The following SYNPR variants were observed in gnomAD, a reference collection of about 807,000 sequenced individuals.
SYNPR encodes synaptoporin.
Under a neutral mutation model 32.9 loss-of-function variants are expected in SYNPR, and 23 were observed. That is an observed-to-expected ratio of 0.70 (90% CI 0.50 to 0.99). The LOEUF (loss-of-function observed/expected upper bound fraction) is 0.99. SYNPR is among the 50% of genes least tolerant of loss of function. The probability of loss-of-function intolerance (pLI) is 0.00; values close to 1 mark genes in which losing one functional copy is unlikely to be tolerated. For missense variants in SYNPR, 318 were observed against 349.3 expected (o/e 0.91, Z 0.71); for synonymous variants, 146 against 135.9 (o/e 1.07, Z -0.52).
chr3:63,208,958 T>C, the SYNPR span, among the ~76,000 whole-genome samples: 159 of 152,308 alleles, frequency 1.0e-3, 1 homozygote, highest in African/African-American at 3.8e-3. Context: ...GTGACACTTT[T>C]ATAGTATCCA....
chr3:63,505,076 A>ATACAT (rs1701562074), intron 3 of SYNPR, among the ~76,000 whole-genome samples: 1 of 152,200 alleles, frequency 6.6e-6, no homozygotes, highest in Admixed American at 6.6e-5. Flanking sequence ...GCATACTGTC[A>ATACAT]GTGATCAGTG....
rs776209541 is a variant in SYNPR at position 63,609,132 on chromosome 3, TTG to T, written c.418_419del (p.Val140HisfsTer21). The T allele has an allele frequency of 6.2e-7, 1 of 1,605,208 alleles. No individual in the cohort carries two copies. The highest frequency in any genetic ancestry group is 1.7e-5 in the Admixed American group (1 of 58,504). ...TCTGATTTGTTTCTGTAGGACTTCA[TTG>T]TCACTGTAGTCTTTTCGTTCTTGTG... On this transcript the variant is annotated frameshift_variant, in exon 5 of 6. Coordinates refer to ENST00000478300, the MANE Select transcript of SYNPR (RefSeq NM_001130003.2). LOFTEE classifies it high-confidence loss of function.
chr3:63,589,754 A>G (rs1387252654), intron 4 of SYNPR, among the ~76,000 whole-genome samples: 3 of 128,822 alleles, frequency 2.3e-5, no homozygotes, highest in African/African-American at 6.0e-5. Flanking sequence ...AAATTCAACA[A>G]CCCTTCATGC....
intron 3 of SYNPR, among the ~76,000 whole-genome samples, chr3:63,510,915 CTG>C (rs755622968): frequency 1.4e-4 from 21 of 148,958 alleles, no homozygotes; most frequent in Non-Finnish European, 1.3e-4. Context: ...AAAGGTACAA[CTG>C]TGTGTGTGTG....
At chr3:63,235,869 T>A (rs2106876496) in intron 1 of SYNPR, among the ~76,000 whole-genome samples, 1 of 152,262 alleles carries the variant, frequency 6.6e-6, no homozygotes, top group Non-Finnish European at 1.5e-5. Context: ...GTTTTTCATT[T>A]TGATGAAGTC....
intron 2 of SYNPR, among the ~76,000 whole-genome samples, chr3:63,450,251 G>A (rs1210226341): frequency 6.6e-6 from 1 of 152,202 alleles, no homozygotes; most frequent in Non-Finnish European, 1.5e-5. Flanking sequence ...CCACAGTAGA[G>A]AGAGTGCGGG....
chr3:63,558,440 C>T (rs1458732009), intron 4 of SYNPR, among the ~76,000 whole-genome samples: 2 of 152,112 alleles, frequency 1.3e-5, no homozygotes, highest in Admixed American at 6.6e-5. Flanking sequence ...TCAGATGATC[C>T]TCCCACCTCA....
chr3:63,320,415 T>C (rs2106967022), intron 2 of SYNPR, among the ~76,000 whole-genome samples: 1 of 152,162 alleles, frequency 6.6e-6, no homozygotes, highest in South Asian at 2.1e-4. Flanking sequence ...TTCCTTCTGG[T>C]AGATACTTGC....
chr3:63,480,820 T>C lies in SYNPR; in HGVS notation c.85-12T>C, dbSNP rs1249626036. On this transcript the variant is annotated splice_polypyrimidine_tract_variant and intron_variant, in intron 2 of 5. Transcript: ENST00000478300. Reference sequence around the variant, plus strand: ...AATAACTGCCTTCTATTTGTTTAATTGTTCTCCACAGCTTTTTGCAATCTT... The same window carrying C: ...AATAACTGCCTTCTATTTGTTTAATCGTTCTCCACAGCTTTTTGCAATCTT... The C allele has an allele frequency of 1.2e-6, 2 of 1,612,216 alleles. No homozygotes were observed. Among genetic ancestry groups the C allele is most frequent in the South Asian group, 2.2e-5 (2 of 90,816 alleles).
chr3:63,272,105 C>T (rs1315017651), intron 3 of SYNPR, among the ~76,000 whole-genome samples: 2 of 152,114 alleles, frequency 1.3e-5, no homozygotes, highest in Non-Finnish European at 2.9e-5. Context: ...TATCATAGAC[C>T]ATCTCCTTTC....
At chr3:63,314,636 A>G (rs1404490893) in intron 2 of SYNPR, among the ~76,000 whole-genome samples, 1 of 152,058 alleles carries the variant, frequency 6.6e-6, no homozygotes, top group African/African-American at 2.4e-5. Flanking sequence ...CTTTTGTCAG[A>G]TGAATAGATT....
intron 3 of SYNPR, among the ~76,000 whole-genome samples, chr3:63,513,028 A>G (rs1701727945): frequency 6.6e-6 from 1 of 152,172 alleles, no homozygotes; most frequent in Admixed American, 6.6e-5. Flanking sequence ...TACTGCAGGC[A>G]AGGGGGATTA....
intron 2 of SYNPR, among the ~76,000 whole-genome samples, chr3:63,457,354 TTTTTTTA>T (rs1013470442): frequency 2.0e-5 from 3 of 152,090 alleles, no homozygotes; most frequent in African/African-American, 4.8e-5. Flanking sequence ...ATAATGATCC[TTTTTTTA>T]TTTTTTATTT....
chr3:63,267,574 A>G (rs1433278322), intron 3 of SYNPR: 1 of 152,096 alleles, frequency 6.6e-6, no homozygotes, highest in African/African-American at 2.4e-5. Context: ...CTGCTCCACC[A>G]CCCCTTCTTT....
chr3:63,525,464 G>T (rs556209344), intron 3 of SYNPR, among the ~76,000 whole-genome samples: 1 of 152,254 alleles, frequency 6.6e-6, no homozygotes, highest in Admixed American at 6.5e-5. Flanking sequence ...AAATGCTTTA[G>T]AAAAAGGATG....
chr3:63,565,129 T>C (rs1353252902), intron 4 of SYNPR, among the ~76,000 whole-genome samples: 4 of 152,210 alleles, frequency 2.6e-5, no homozygotes, highest in African/African-American at 4.8e-5. Flanking sequence ...GAAATGTTTC[T>C]ACTCCATAGC....
intron 2 of SYNPR, among the ~76,000 whole-genome samples, chr3:63,379,435 T>C (rs1010155850): frequency 2.6e-4 from 39 of 152,108 alleles, no homozygotes; most frequent in African/African-American, 9.2e-4. Context: ...CTAAAAACAA[T>C]TGCGGATTTG....
At chr3:63,366,919 C>T (rs2087734580) in intron 2 of SYNPR, among the ~76,000 whole-genome samples, 1 of 152,208 alleles carries the variant, frequency 6.6e-6, no homozygotes, top group Non-Finnish European at 1.5e-5. Context: ...ATATTAGGTA[C>T]TTCATAAACA....
intron 2 of SYNPR, among the ~76,000 whole-genome samples, chr3:63,379,957 G>A (rs547263398): frequency 9.2e-5 from 14 of 152,032 alleles, no homozygotes; most frequent in South Asian, 4.2e-4. Context: ...TTGTCCTTGC[G>A]ATAGTTTGCT....
Sources: allele counts gnomAD v4.1 joint callset (sites outside exome capture counted in the v4.1 genomes callset), GRCh38; gene constraint gnomAD v4.1.1; transcripts MANE v1.5; gene names NCBI Gene and HGNC (gene_info 2026-07-23, HGNC 2026-07-21).